The following MTA3 variants were observed in gnomAD, a reference collection of about 807,000 sequenced individuals.
MTA3 encodes metastasis-associated protein MTA3.
Under a neutral mutation model 83.5 loss-of-function variants are expected in MTA3, and 34 were observed. The ratio of observed to expected loss-of-function variants is 0.41; its 90% CI spans 0.31 to 0.54. The LOEUF (loss-of-function observed/expected upper bound fraction) is 0.54. MTA3 is among the 20% of genes least tolerant of loss of function. The pLI, the probability that MTA3 is intolerant of heterozygous loss-of-function variation, is 0.33. For synonymous variants in MTA3, 303 were observed against 252.7 expected, an observed-to-expected ratio of 1.20 and a Z score of -1.89; for missense variants, 761 against 726.4, an observed-to-expected ratio of 1.05 and a Z score of -0.55.
At chr2:42,552,114 T>C (rs1430154922) in intron 2 of MTA3, among the ~76,000 whole-genome samples, 2 of 152,064 alleles carry the variant, frequency 1.3e-5, no homozygotes, top group Non-Finnish European at 2.9e-5. Context: ...CACCTCTGCC[T>C]CCCAAAGTGG....
At chr2:42,522,913 G>T (rs1675490375) in intron 2 of MTA3, among the ~76,000 whole-genome samples, 1 of 149,942 alleles carries the variant, frequency 6.7e-6, no homozygotes, top group Non-Finnish European at 1.5e-5. Flanking sequence ...GGGCTCTAGT[G>T]ATCTTCCTGT....
chr2:42,551,029 G>T (rs1042557629), intron 2 of MTA3, among the ~76,000 whole-genome samples: 1 of 150,908 alleles, frequency 6.6e-6, no homozygotes, highest in Non-Finnish European at 1.5e-5. Context: ...CAGCCTGGGT[G>T]ACAGAACCAG....
intron 2 of MTA3, among the ~76,000 whole-genome samples, chr2:42,538,728 AAAAAG>A (rs1244304296): frequency 6.7e-5 from 10 of 148,912 alleles, no homozygotes; most frequent in East Asian, 1.9e-4. Flanking sequence ...AAAAAAAAAG[AAAAAG>A]AAAAGAAAAG....
chr2:42,558,535 G>T (rs1558435010), intron 2 of MTA3, among the ~76,000 whole-genome samples: 1 of 148,974 alleles, frequency 6.7e-6, no homozygotes. Flanking sequence ...CAGGCATGAG[G>T]CACCACACCC....
intron 14 of MTA3, among the ~76,000 whole-genome samples, chr2:42,710,944 T>C (rs1365599188): frequency 6.6e-6 from 1 of 151,952 alleles, no homozygotes; most frequent in Non-Finnish European, 1.5e-5. Context: ...CCAGGCATGG[T>C]GGCACACGCC....
intron 2 of MTA3, among the ~76,000 whole-genome samples, chr2:42,512,913 C>T (rs543255269): frequency 6.6e-6 from 1 of 152,316 alleles, no homozygotes; most frequent in East Asian, 1.9e-4. Context: ...TATAAACATT[C>T]TGAGACATCC....
intron 4 of MTA3, among the ~76,000 whole-genome samples, chr2:42,612,215 C>T (rs886642228): frequency 3.9e-5 from 6 of 152,084 alleles, no homozygotes; most frequent in Non-Finnish European, 8.8e-5. Context: ...GAGCCATATG[C>T]ACTTTTTATC....
chr2:42,632,337 A>G (rs112375808), intron 4 of MTA3, among the ~76,000 whole-genome samples: 2,721 of 151,816 alleles, frequency 0.018, 69 homozygotes, highest in African/African-American at 0.06. Context: ...TGATCCGCCC[A>G]CCTCGGCCTC....
intron 2 of MTA3, among the ~76,000 whole-genome samples, chr2:42,499,911 G>T (rs1674319264): frequency 6.6e-6 from 1 of 151,340 alleles, no homozygotes; most frequent in Non-Finnish European, 1.5e-5. Context: ...CATGAAATAT[G>T]TACAGTTTTT....
intron 8 of MTA3, among the ~76,000 whole-genome samples, chr2:42,675,048 A>G (rs538481156): frequency 1.3e-5 from 2 of 152,096 alleles, no homozygotes; most frequent in South Asian, 2.1e-4. Flanking sequence ...GGGCCTCTCA[A>G]AAGCTCTGGG....
chr2:42,548,849 ATATATATATAATATATATATATATATAAT>A (rs1403144761), intron 2 of MTA3, among the ~76,000 whole-genome samples: 3 of 28,914 alleles, frequency 1.0e-4, no homozygotes, highest in South Asian at 1.2e-3. Flanking sequence ...TATATATAAT[ATATATATATAATATATATATATATATAAT>A]ATATATATAT....
chr2:42,606,341 G>T (rs1318722859), intron 3 of MTA3, among the ~76,000 whole-genome samples: 1 of 148,436 alleles, frequency 6.7e-6, no homozygotes, highest in Admixed American at 6.7e-5. Context: ...TCACCTCTCA[G>T]ACGGGGCAGC....
At chr2:42,517,544 G>T (rs1026103374) in intron 2 of MTA3, among the ~76,000 whole-genome samples, 4 of 145,980 alleles carry the variant, frequency 2.7e-5, no homozygotes, top group African/African-American at 1.0e-4. Flanking sequence ...TTGCACTCCA[G>T]CCTTGGGGAC....
intron 2 of MTA3, among the ~76,000 whole-genome samples, chr2:42,501,833 A>T (rs1025194975): frequency 6.6e-6 from 1 of 151,966 alleles, no homozygotes; most frequent in Non-Finnish European, 1.5e-5. Context: ...CAAAAATTAG[A>T]TGGGCCTGGT....
intron 2 of MTA3, among the ~76,000 whole-genome samples, chr2:42,507,155 C>G (rs545707675): frequency 6.6e-6 from 1 of 152,126 alleles, no homozygotes; most frequent in African/African-American, 2.4e-5. Flanking sequence ...CCCACCTCGG[C>G]TTCCAAAAGT....
chr2:42,569,713 A>G (rs1678255860), intron 1 of MTA3: 1 of 152,222 alleles, frequency 6.6e-6, no homozygotes, highest in South Asian at 2.1e-4. Flanking sequence ...AGATGAGAGG[A>G]AAAGCCACAC....
At chr2:42,510,144 G>T (rs1674828746) in intron 2 of MTA3, among the ~76,000 whole-genome samples, 1 of 151,860 alleles carries the variant, frequency 6.6e-6, no homozygotes, top group Admixed American at 6.6e-5. Context: ...TGGCCAATAT[G>T]GTGAAACTCC....
intron 10 of MTA3, 41 bp downstream of exon 10, chr2:42,695,880 G>A: frequency 2.4e-6 from 3 of 1,273,158 alleles, no homozygotes; most frequent in Non-Finnish European, 3.3e-6. Context: ...TTGCATTTAA[G>A]TGAACTTTCT....
chr2:42,606,561 T>C (rs1359366297), intron 3 of MTA3, among the ~76,000 whole-genome samples: 1 of 136,896 alleles, frequency 7.3e-6, no homozygotes, highest in Non-Finnish European at 1.6e-5. Context: ...CTAGATGGGA[T>C]GGCGGCCGGG....
Sources: allele counts gnomAD v4.1 joint callset (sites outside exome capture counted in the v4.1 genomes callset), GRCh38; gene constraint gnomAD v4.1.1; transcripts MANE v1.5; gene names NCBI Gene and HGNC (gene_info 2026-07-23, HGNC 2026-07-21).